The following BCAS3 variants were observed in gnomAD, a reference collection of about 807,000 sequenced individuals.
The protein encoded by BCAS3 is BCAS3 microtubule associated cell migration factor.
A neutral mutation model predicts 116.1 loss-of-function variants in BCAS3; 53 were observed. That is an observed-to-expected ratio of 0.46 (90% confidence interval 0.37 to 0.57). The LOEUF (loss-of-function observed/expected upper bound fraction) is 0.57, where lower values mean the gene tolerates loss of function less well. Among genes scored for constraint, BCAS3 ranks in the 20% least tolerant of loss-of-function variants. The pLI is 0.00. For synonymous variants in BCAS3, 391 were observed against 408.2 expected (o/e 0.96, Z 0.51); for missense variants, 917 against 1,165.4 (o/e 0.79, Z 3.10).
rs578102981 is a variant in BCAS3, at chr17:60,745,584, T to A, written c.322-1614T>A. On this transcript the variant is annotated intron_variant, in intron 5 of 23. Coordinates refer to ENST00000407086, the MANE Select transcript of BCAS3 (RefSeq NM_017679.5). ...TTTTTCTAAATTTTAAATTTTGTTC[T>A]ATAATAATAAAATGTGGACTATAAT... 7.9e-5 allele frequency among the ~76,000 whole-genome samples: 12 copies of A among 152,234 alleles called. No homozygotes were observed. In the South Asian group the frequency reaches 2.5e-3, roughly 32 times the overall value.
rs1329592563 is a variant in BCAS3 at position 61,162,238 on chromosome 17, G to C, written c.2425+77674G>C. ...GTATGGAGCCACGGTTCTTACAGGA[G>C]TGGGTATGGTTCACATAGGAAGTGG... On this transcript the variant is annotated intron_variant, in intron 22 of 23. Transcript: ENST00000407086. The surrounding 1 kb of genome is among the most constrained non-coding windows in gnomAD (Gnocchi z 5.6). Among the ~76,000 whole-genome samples, 2 of 152,184 alleles carry C rather than the reference G, an allele frequency of 1.3e-5. No individual in the cohort carries two copies. Among genetic ancestry groups the C allele is most frequent in the Non-Finnish European group, 2.9e-5 (2 of 68,034 alleles).
chr17:61,255,620 T>C (rs767280034), intron 22 of BCAS3, among the ~76,000 whole-genome samples: 3 of 152,224 alleles, frequency 2.0e-5, no homozygotes, highest in Non-Finnish European at 4.4e-5. Context: ...TGTACTTTTG[T>C]CTGGGTAGTT....
At chr17:60,750,946 T>C (rs999044902) in intron 6 of BCAS3, among the ~76,000 whole-genome samples, 53 of 152,228 alleles carry the variant, frequency 3.5e-4, no homozygotes, top group African/African-American at 1.3e-3. Context: ...CAGGCTGTTT[T>C]TATGTATTCA....
At position 61,366,098 on chromosome 17, in the gene BCAS3, A is replaced by G. The variant is rs1277553112; in HGVS notation, c.2426-2229A>G. ...GCAGAGGTTGCCGTGAGCCAAGATC[A>G]TACCACTGCACTCCATCCTGGGCGA... is the stretch of plus-strand genomic sequence containing the variant. On this transcript the variant is annotated intron_variant, in intron 22 of 23. Coordinates refer to ENST00000407086, the MANE Select transcript of BCAS3 (RefSeq NM_017679.5). The surrounding 1 kb of genome is among the most constrained non-coding windows in gnomAD (Gnocchi z 4.5). 6.6e-6 allele frequency among the ~76,000 whole-genome samples: 1 copy of G among 151,554 alleles called. No homozygotes were observed. The highest frequency in any genetic ancestry group is 1.5e-5 in the Non-Finnish European group (1 of 67,980).
At chr17:61,155,597 G>C (rs550287678) in intron 22 of BCAS3, among the ~76,000 whole-genome samples, 1 of 152,106 alleles carries the variant, frequency 6.6e-6, no homozygotes, top group East Asian at 1.9e-4. Context: ...ATAAACAAGA[G>C]AGAGATACAG....
At chr17:60,680,493 A>G (rs1013865212) in intron 2 of BCAS3, among the ~76,000 whole-genome samples, 1 of 152,138 alleles carries the variant, frequency 6.6e-6, no homozygotes, top group African/African-American at 2.4e-5. Flanking sequence ...GTTATCTATA[A>G]AAGGAATCTC....
chr17:60,779,315 A>C (rs190194675), intron 6 of BCAS3, among the ~76,000 whole-genome samples: 1 of 152,130 alleles, frequency 6.6e-6, no homozygotes, highest in Non-Finnish European at 1.5e-5. Context: ...TACTGTATCA[A>C]ATTACCTTCA....
At chr17:61,071,117 A>T (rs2071389237) in intron 19 of BCAS3, among the ~76,000 whole-genome samples, 1 of 152,192 alleles carries the variant, frequency 6.6e-6, no homozygotes, top group Non-Finnish European at 1.5e-5. Flanking sequence ...CTGAAATTTG[A>T]GGTTATAGTG....
chr17:61,178,873 A>C (rs2079304809), intron 22 of BCAS3, among the ~76,000 whole-genome samples: 1 of 152,146 alleles, frequency 6.6e-6, no homozygotes, highest in Non-Finnish European at 1.5e-5. Context: ...ACCCTATATG[A>C]AGACGCTGGA....
intron 16 of BCAS3, among the ~76,000 whole-genome samples, chr17:61,025,840 A>G (rs981462755): frequency 6.6e-6 from 1 of 152,102 alleles, no homozygotes; most frequent in Non-Finnish European, 1.5e-5. Flanking sequence ...TGTACTCACT[A>G]TCGTGAAAAC....
chr17:61,297,779 T>G (rs969119817), intron 22 of BCAS3, among the ~76,000 whole-genome samples: 1 of 152,180 alleles, frequency 6.6e-6, no homozygotes, highest in Non-Finnish European at 1.5e-5. Flanking sequence ...GAGAATAACT[T>G]CTACCTAACA....
At chr17:60,764,840 T>C (rs1477905986) in intron 6 of BCAS3, among the ~76,000 whole-genome samples, 1 of 152,190 alleles carries the variant, frequency 6.6e-6, no homozygotes, top group Non-Finnish European at 1.5e-5. Context: ...TAAGTCTCTT[T>C]GTAGGTCTCT....
intron 7 of BCAS3, among the ~76,000 whole-genome samples, chr17:60,866,626 G>A (rs1397824771): frequency 2.0e-5 from 3 of 152,060 alleles, no homozygotes; most frequent in South Asian, 4.1e-4. Flanking sequence ...TTTGTTTTGA[G>A]GATTTTCTTT....
Position 61,097,127 on chromosome 17 carries a change from C to G in BCAS3, c.2425+12563C>G, listed in dbSNP as rs2143636031. Among the ~76,000 whole-genome samples the G allele has an allele frequency of 6.6e-6, 1 of 152,264 alleles. No individual in the cohort carries two copies. The highest frequency in any genetic ancestry group is 2.1e-4 in the South Asian group (1 of 4,830). On this transcript the variant is annotated intron_variant, in intron 22 of 23. Transcript: ENST00000407086. This position sits in a 1 kb window ranked among gnomAD's most constrained non-coding sequence, Gnocchi z 4.0. Reference sequence around the variant, plus strand: ...CATATTATAATCAAACTGTTCAGATCTAAACATAAGGAAGGAATTTTAAGA... The same window carrying G: ...CATATTATAATCAAACTGTTCAGATGTAAACATAAGGAAGGAATTTTAAGA...
chr17:60,769,814 G>A (rs1383456780), intron 6 of BCAS3, among the ~76,000 whole-genome samples: 2 of 150,972 alleles, frequency 1.3e-5, no homozygotes, highest in Non-Finnish European at 3.0e-5. Context: ...TCACCCTTTC[G>A]CCCAGGCTGG....
In BCAS3 at chr17:61,196,459, A is replaced by G. The variant is rs1481057025; in HGVS notation, c.2425+111895A>G. On this transcript the variant is annotated intron_variant, in intron 22 of 23. Coordinates refer to ENST00000407086, the MANE Select transcript of BCAS3 (RefSeq NM_017679.5). This position sits in a 1 kb window ranked among gnomAD's most constrained non-coding sequence, Gnocchi z 4.7. Reference sequence around the variant, plus strand: ...ACAGGGTCAACAGCTGGCAAAGGATATGGCAATCATTTATATAAATATGCT... The same window carrying G: ...ACAGGGTCAACAGCTGGCAAAGGATGTGGCAATCATTTATATAAATATGCT... Among the ~76,000 whole-genome samples the G allele has an allele frequency of 6.6e-6, 1 of 152,210 alleles. No homozygotes were observed. Among genetic ancestry groups the G allele is most frequent in the Non-Finnish European group, 1.5e-5 (1 of 68,036 alleles).
At chr17:61,074,113 GAAAAAAA>G (rs917229045) in intron 19 of BCAS3, among the ~76,000 whole-genome samples, 1 of 61,230 alleles carries the variant, frequency 1.6e-5, no homozygotes, top group South Asian at 5.8e-4. Flanking sequence ...TATCTCTTAA[GAAAAAAA>G]AAAAAAAAAA....
intron 13 of BCAS3, among the ~76,000 whole-genome samples, chr17:60,938,270 A>G (rs1174970768): frequency 6.6e-6 from 1 of 152,250 alleles, no homozygotes; most frequent in African/African-American, 2.4e-5. Context: ...TTAAAGACTT[A>G]AACTACCTAA....
At chr17:61,070,071 G>A (rs373241369) in intron 19 of BCAS3, 57 of 1,587,512 alleles carry the variant, frequency 3.6e-5, no homozygotes, top group Non-Finnish European at 4.9e-5. Flanking sequence ...GCGCTCCCAG[G>A]AGAAACAAGC....
Sources: gnomAD v4.1 joint callset for allele counts (sites outside exome capture counted in the v4.1 genomes callset) on GRCh38, gnomAD v4.1.1 for gene constraint, Gnocchi (gnomAD v3.1) non-coding constraint, MANE v1.5 for transcripts, NCBI Gene and HGNC (gene_info 2026-07-23, HGNC 2026-07-21) for gene names.